DDX31: variants seen among roughly 807,000 people sequenced by gnomAD.
DDX31 encodes DEAD-box helicase 31.
DDX31 carries 70 observed loss-of-function variants against 91.3 expected under a neutral mutation model. The observed-to-expected ratio is 0.77, with a 90% CI of 0.63 to 0.94. The LOEUF is 0.94. Ranked by LOEUF, DDX31 falls within the 40% of genes least tolerant of loss-of-function variation. DDX31 has a pLI of 0.00. For synonymous variants in DDX31, 362 were observed against 350.6 expected, an observed-to-expected ratio of 1.03 and a Z score of -0.36; for missense variants, 902 against 925.0, an observed-to-expected ratio of 0.98 and a Z score of 0.32.
intron 14 of DDX31, among the ~76,000 whole-genome samples, chr9:132,638,953 G>C (rs904604250): frequency 1.3e-5 from 2 of 152,120 alleles, no homozygotes; most frequent in Non-Finnish European, 2.9e-5. Flanking sequence ...ATAAAGGGGG[G>C]AAAATCCCCA....
intron 19 of DDX31, among the ~76,000 whole-genome samples, chr9:132,599,539 T>C (rs1440102364): frequency 1.3e-5 from 2 of 152,250 alleles, no homozygotes; most frequent in Non-Finnish European, 2.9e-5. Context: ...ACAATGAGCA[T>C]GCATTATTTT....
intron 14 of DDX31, among the ~76,000 whole-genome samples, chr9:132,635,773 C>T (rs1833074602): frequency 1.3e-5 from 2 of 151,618 alleles, no homozygotes; most frequent in Admixed American, 6.6e-5. Context: ...TGGTGAACCC[C>T]ATCTCTACTA....
intron 14 of DDX31, 148 bp from the exon 15 acceptor site, chr9:132,632,239 TGTACACAC>T (rs1479654158): frequency 0.016 from 837 of 53,272 alleles, 165 homozygotes; most frequent in East Asian, 0.024. Context: ...GCCCAGTACG[TGTACACAC>T]ACACACACAC....
chr9:132,669,845 C>G lies in DDX31; in HGVS notation c.75+15G>C, dbSNP rs559759142. On this transcript the variant is annotated intron_variant, in intron 1 of 19. Transcript: ENST00000372159. ...CCGCGGGTGGGGACGGAGCTGAAGC[C>G]GGGTCAGAACTCACCCGACTCGCCT... The G allele has an allele frequency of 3.8e-6, 6 of 1,566,992 alleles. No individual in the cohort carries two copies. The East Asian group carries it at 1.2e-4, about 30-fold the overall frequency.
At chr9:132,623,103 C>T (rs1832143721) in intron 17 of DDX31, among the ~76,000 whole-genome samples, 1 of 149,620 alleles carries the variant, frequency 6.7e-6, no homozygotes, top group South Asian at 2.1e-4. Flanking sequence ...GCATTCCAGC[C>T]TGGGAGACAC....
chr9:132,643,883 C>A (rs1833654532), intron 13 of DDX31, among the ~76,000 whole-genome samples: 1 of 151,534 alleles, frequency 6.6e-6, no homozygotes, highest in Non-Finnish European at 1.5e-5. Context: ...TTATGAAACA[C>A]CTTAAAGACT....
chr9:132,596,467 G>A (rs1408393805), intron 19 of DDX31, among the ~76,000 whole-genome samples: 1 of 152,202 alleles, frequency 6.6e-6, no homozygotes, highest in Admixed American at 6.5e-5. Context: ...AAGGCCAGGA[G>A]TTTATGGGGT....
At chr9:132,665,610 T>TA (rs1256912757) in intron 1 of DDX31, among the ~76,000 whole-genome samples, 6 of 151,552 alleles carry the variant, frequency 4.0e-5, no homozygotes, top group African/African-American at 1.5e-4. Context: ...ACTAAAAATC[T>TA]AAAATCTACT....
chr9:132,652,520 T>C (rs1834266655), intron 6 of DDX31, 28 bp from the exon 7 acceptor site: 3 of 1,613,608 alleles, frequency 1.9e-6, no homozygotes, highest in Non-Finnish European at 1.7e-6. Flanking sequence ...AAAAATGCCA[T>C]GAGCAGGATA....
intron 14 of DDX31, among the ~76,000 whole-genome samples, chr9:132,640,012 C>T (rs1256898977): frequency 1.3e-5 from 2 of 152,206 alleles, no homozygotes; most frequent in Non-Finnish European, 2.9e-5. Flanking sequence ...TTCTTGGGCC[C>T]TGTCTAGCGC....
intron 8 of DDX31, among the ~76,000 whole-genome samples, chr9:132,650,633 A>C (rs1166853067): frequency 6.6e-6 from 1 of 152,200 alleles, no homozygotes; most frequent in Non-Finnish European, 1.5e-5. Context: ...GGTTAAGATA[A>C]AAACCCAAGC....
At chr9:132,651,044 A>C (rs1834151317) in intron 8 of DDX31, 31 bp downstream of exon 8, 1 of 1,592,796 alleles carries the variant, frequency 6.3e-7, no homozygotes, top group Non-Finnish European at 8.6e-7. Context: ...GTCAGCAAGC[A>C]AGATGAAATG....
At chr9:132,653,078 A>C (rs977643393) in intron 6 of DDX31, among the ~76,000 whole-genome samples, 18 of 152,156 alleles carry the variant, frequency 1.2e-4, no homozygotes, top group Non-Finnish European at 2.4e-4. Context: ...AGAAAATAGG[A>C]AACAAAATTA....
chr9:132,632,569 C>A (rs1832860599), intron 14 of DDX31, among the ~76,000 whole-genome samples: 1 of 152,112 alleles, frequency 6.6e-6, no homozygotes, highest in Admixed American at 6.5e-5. Context: ...CACCCCCCGC[C>A]CACAACCATG....
chr9:132,630,525 CTAACACAA>C, intron 15 of DDX31, 122 bp from the exon 16 acceptor site: 1 of 983,958 alleles, frequency 1.0e-6, no homozygotes, highest in Admixed American at 3.1e-5. Flanking sequence ...TATGGTTACC[CTAACACAA>C]TCACAAGGAG....
At chr9:132,658,853 AG>A in intron 5 of DDX31, 118 bp from the exon 6 acceptor site, 2 of 875,558 alleles carry the variant, frequency 2.3e-6, no homozygotes, top group Non-Finnish European at 3.5e-6. Flanking sequence ...TTCTAGGGAA[AG>A]GGAAACTGCC....
chr9:132,604,260 C>A (rs1261013395), intron 19 of DDX31, among the ~76,000 whole-genome samples: 1 of 152,170 alleles, frequency 6.6e-6, no homozygotes, highest in Non-Finnish European at 1.5e-5. Flanking sequence ...CAGTGTTCCC[C>A]ACTCAGAAGA....
intron 7 of DDX31, among the ~76,000 whole-genome samples, chr9:132,651,411 T>C (rs1042437194): frequency 6.6e-6 from 1 of 152,194 alleles, no homozygotes; most frequent in African/African-American, 2.4e-5. Context: ...AGTTCAAGTC[T>C]GTGGTGCACA....
At position 132,659,703 on chromosome 9, in the gene DDX31, G is replaced by A; in HGVS notation, c.523+7C>T. 6.2e-7 allele frequency: 1 copy of A among 1,606,318 alleles called. No homozygotes were observed. The highest frequency in any genetic ancestry group is 8.5e-7 in the Non-Finnish European group (1 of 1,175,738). ...ATGAAAAAGGGCAGAGATGAAATGA[G>A]ACTAACCTGAGCCCGTCTGGGATCT... On this transcript the variant is annotated splice_region_variant and intron_variant, in intron 5 of 19. Coordinates refer to ENST00000372159, the MANE Select transcript of DDX31 (RefSeq NM_022779.9).
Sources: allele counts gnomAD v4.1 joint callset (sites outside exome capture counted in the v4.1 genomes callset), GRCh38; gene constraint gnomAD v4.1.1; transcripts MANE v1.5; gene names NCBI Gene and HGNC (gene_info 2026-07-23, HGNC 2026-07-21).